Variants in TNKS observed in about 807,000 individuals in gnomAD.
The protein encoded by TNKS is poly [ADP-ribose] polymerase tankyrase-1.
TNKS carries 72 observed loss-of-function variants against 135.8 expected under a neutral mutation model. The observed-to-expected ratio is 0.53, with a 90% CI of 0.44 to 0.64. The LOEUF (loss-of-function observed/expected upper bound fraction) is 0.64. Ranked by LOEUF, TNKS falls within the 30% of genes least tolerant of loss-of-function variation. The probability of loss-of-function intolerance (pLI) is 0.00; values close to 1 mark genes in which losing one functional copy is unlikely to be tolerated. For synonymous variants in TNKS, 849 were observed against 649.3 expected, an observed-to-expected ratio of 1.31 and a Z score of -4.68; for missense variants, 1,769 against 1,674.0, an observed-to-expected ratio of 1.06 and a Z score of -0.99.
chr8:9,701,064 G>A (rs1181419674), intron 5 of TNKS, among the ~76,000 whole-genome samples: 1 of 151,340 alleles, frequency 6.6e-6, no homozygotes, highest in Non-Finnish European at 1.5e-5. Flanking sequence ...CTCCCAAGTC[G>A]CTGGGACTAC....
At chr8:9,557,186 G>A (rs7013960) in intron 1 of TNKS, 1,837 of 154,136 alleles carry the variant, frequency 0.012, 36 homozygotes, top group African/African-American at 0.04. Context: ...ATATTTGGAT[G>A]CATTATATGA....
intron 20 of TNKS, among the ~76,000 whole-genome samples, chr8:9,759,569 T>G (rs971965963): frequency 6.6e-6 from 1 of 152,214 alleles, no homozygotes; most frequent in Non-Finnish European, 1.5e-5. Flanking sequence ...ATAAAATGAA[T>G]AAATATATTA....
intron 26 of TNKS, chr8:9,772,485 A>AAAAATGTTAATATTATAAAAGAAAGGCTG: frequency 8.9e-6 from 4 of 451,318 alleles, no homozygotes; most frequent in Non-Finnish European, 1.8e-5. Flanking sequence ...TGTATTCTTC[A>AAAAATGTTAATATTATAAAAGAAAGGCTG]AAAATGTTAA....
chr8:9,623,702 A>G (rs577189539), intron 3 of TNKS, among the ~76,000 whole-genome samples: 7 of 152,252 alleles, frequency 4.6e-5, no homozygotes, highest in Non-Finnish European at 8.8e-5. Context: ...GTGGGAGGGA[A>G]TAGAAACTAA....
intron 5 of TNKS, among the ~76,000 whole-genome samples, chr8:9,691,647 T>C (rs1021793608): frequency 2.6e-5 from 4 of 152,220 alleles, no homozygotes; most frequent in Non-Finnish European, 5.9e-5. Flanking sequence ...TGTGTGGAAG[T>C]AATAGTGTTT....
intron 13 of TNKS, among the ~76,000 whole-genome samples, chr8:9,729,738 A>G (rs796835611): frequency 2.7e-5 from 4 of 148,878 alleles, no homozygotes; most frequent in African/African-American, 9.9e-5. Context: ...TCTTAGACAT[A>G]TAATAATTTC....
intron 3 of TNKS, among the ~76,000 whole-genome samples, chr8:9,669,411 C>T (rs866571947): frequency 1.2e-3 from 141 of 117,188 alleles, no homozygotes; most frequent in Middle Eastern, 6.6e-3. Context: ...CGCGACAGAG[C>T]GAGACTCCGC....
intron 3 of TNKS, among the ~76,000 whole-genome samples, chr8:9,673,800 A>G (rs1056705086): frequency 7.2e-5 from 11 of 152,056 alleles, no homozygotes; most frequent in Non-Finnish European, 1.2e-4. Flanking sequence ...CCGTTTTCCT[A>G]AAGAATTGGA....
intron 14 of TNKS, among the ~76,000 whole-genome samples, chr8:9,732,241 A>G (rs1805481908): frequency 1.3e-5 from 2 of 152,208 alleles, no homozygotes; most frequent in Admixed American, 1.3e-4. Flanking sequence ...CAGATACTGT[A>G]TGTTTTATAT....
chr8:9,615,053 C>T (rs576286941), intron 2 of TNKS, among the ~76,000 whole-genome samples: 17 of 152,156 alleles, frequency 1.1e-4, no homozygotes, highest in Non-Finnish European at 1.8e-4. Context: ...GGGTTACACA[C>T]ATTACTATGT....
chr8:9,745,736 TG>T (rs1206465966), intron 17 of TNKS, among the ~76,000 whole-genome samples: 1 of 152,158 alleles, frequency 6.6e-6, no homozygotes, highest in African/African-American at 2.4e-5. Flanking sequence ...TTTTTTGCTT[TG>T]TATTATTAGA....
At chr8:9,616,371 ATTTT>A (rs1799646339) in intron 3 of TNKS, among the ~76,000 whole-genome samples, 1 of 152,094 alleles carries the variant, frequency 6.6e-6, no homozygotes, top group Admixed American at 6.6e-5. Context: ...CATTGGATCT[ATTTT>A]TGTTTTTATT....
Position 9,775,467 on chromosome 8 carries a change from ATATATATATATATATATATATATATATAT to A in TNKS, c.3898-1182_3898-1154del, listed in dbSNP as rs1808176362. Among the ~76,000 whole-genome samples, 5 of 14,242 alleles carry A rather than the reference ATATATATATATATATATATATATATATAT, an allele frequency of 3.5e-4. No individual in the cohort carries two copies. In the South Asian group the frequency reaches 0.015, roughly 43 times the overall value. 9.3% of individuals were successfully genotyped at this position (14,242 alleles called of 152,430 possible). A position where few individuals can be genotyped will look rare whatever the true frequency, so the allele number is the denominator to read the frequency against. ...GAATATTATGAATGGTTCTATATAT[ATATATATATATATATATATATATATATAT>A]ATATATATGTAGACAGAACTTAACA... On this transcript the variant is annotated intron_variant, in intron 26 of 26. Coordinates refer to ENST00000310430, the MANE Select transcript of TNKS (RefSeq NM_003747.3).
intron 2 of TNKS, among the ~76,000 whole-genome samples, chr8:9,605,886 G>T (rs1238110086): frequency 6.6e-6 from 1 of 151,956 alleles, no homozygotes; most frequent in African/African-American, 2.4e-5. Flanking sequence ...CTTCTAGATT[G>T]TGTTTTGCCT....
At chr8:9,639,395 C>G (rs754951494) in intron 3 of TNKS, among the ~76,000 whole-genome samples, 1 of 151,764 alleles carries the variant, frequency 6.6e-6, no homozygotes, top group Non-Finnish European at 1.5e-5. Flanking sequence ...TTTGACCACT[C>G]ATTTCTCTGT....
chr8:9,685,690 T>C (rs1802962108), intron 5 of TNKS, among the ~76,000 whole-genome samples: 2 of 152,228 alleles, frequency 1.3e-5, no homozygotes, highest in South Asian at 4.1e-4. Flanking sequence ...TCACCCAGTG[T>C]CACATTTAAT....
At chr8:9,586,868 T>C (rs1233242976) in intron 2 of TNKS, among the ~76,000 whole-genome samples, 6 of 151,696 alleles carry the variant, frequency 4.0e-5, no homozygotes, top group African/African-American at 1.5e-4. Flanking sequence ...CCTCTTAGAG[T>C]AATTGAGGGT....
At chr8:9,607,441 A>T (rs1404199967) in intron 2 of TNKS, among the ~76,000 whole-genome samples, 1 of 152,216 alleles carries the variant, frequency 6.6e-6, no homozygotes, top group Non-Finnish European at 1.5e-5. Context: ...CTTTGATTCC[A>T]CATGCAAACT....
chr8:9,721,687 T>C (rs1804887944), intron 12 of TNKS, among the ~76,000 whole-genome samples: 1 of 152,170 alleles, frequency 6.6e-6, no homozygotes, highest in Admixed American at 6.5e-5. Context: ...CATATCCTTA[T>C]GACATTTCAG....
Sources: allele counts gnomAD v4.1 joint callset (sites outside exome capture counted in the v4.1 genomes callset), GRCh38; gene constraint gnomAD v4.1.1; transcripts MANE v1.5; gene names NCBI Gene and HGNC (gene_info 2026-07-23, HGNC 2026-07-21).